MMP2: variants seen among roughly 807,000 people sequenced by gnomAD.
MMP2 encodes the protein 72 kDa type IV collagenase.
MMP2 carries 39 observed loss-of-function variants against 74.8 expected under a neutral mutation model. That is an observed-to-expected ratio of 0.52 (90% CI 0.40 to 0.68). The LOEUF is 0.68. MMP2 is among the 30% of genes least tolerant of loss of function. The pLI is 0.00. For missense variants in MMP2, 803 were observed against 878.3 expected (o/e 0.91, Z 1.08); for synonymous variants, 367 against 339.8 (o/e 1.08, Z -0.88).
rs780421952 is a variant in MMP2, at chr16:55,496,916, C to T, written c.1473-10C>T. ...GATGTGGTTTCCTGTGCCCCCTTGC[C>T]TCCTGCCAGGTTCATTTGGCGGACT... On this transcript the variant is annotated splice_polypyrimidine_tract_variant and intron_variant, in intron 9 of 12. Transcript: ENST00000219070. 4.3e-6 allele frequency: 7 copies of T among 1,613,678 alleles called. No individual in the cohort carries two copies. In the Admixed American group the frequency reaches 5.0e-5, roughly 12 times the overall value.
chr16:55,480,825 C>A lies in MMP2; in HGVS notation c.153+1193C>A, dbSNP rs1962081232. On this transcript the variant is annotated intron_variant, in intron 1 of 12. Coordinates refer to ENST00000219070, the MANE Select transcript of MMP2 (RefSeq NM_004530.6). The stretch of plus-strand genomic sequence containing the variant: ...CTTCCAAACAGCTAGGTCTCAGCCC[C>A]CTCTGGATAGATGGGTTGGGAAACC... Among the ~76,000 whole-genome samples, 3 of 152,158 alleles carry A rather than the reference C, an allele frequency of 2.0e-5. No homozygotes were observed. In the South Asian group the frequency reaches 6.2e-4, roughly 32 times the overall value.
chr16:55,490,268 A>C (rs1158811837), intron 7 of MMP2, among the ~76,000 whole-genome samples: 3 of 152,196 alleles, frequency 2.0e-5, no homozygotes, highest in Admixed American at 1.3e-4. Context: ...TAGGCAGTAG[A>C]AGAAAGGAAA....
Position 55,484,049 on chromosome 16 carries a change from G to A in MMP2, c.414G>A (p.Glu138=), listed in dbSNP as rs901704601. The change falls in exon 3 of 13, where the codon GAG becomes GAA. Residue 138 remains glutamate (E), a synonymous_variant. Transcript: ENST00000219070. ...GCTACACACCTGATCTGGACCCAGAGACAGTGGATGATGCCTTTGCTCGTG... is the reference window on the plus strand; with the variant it reads ...GCTACACACCTGATCTGGACCCAGAAACAGTGGATGATGCCTTTGCTCGTG... ...IIGYTPDLDP[E]TVDDAFARAF... 6.2e-7 allele frequency: 1 copy of A among 1,614,182 alleles called. No individual in the cohort carries two copies. The highest frequency in any genetic ancestry group is 8.5e-7 in the Non-Finnish European group (1 of 1,180,024).
intron 11 of MMP2, among the ~76,000 whole-genome samples, chr16:55,499,456 G>A (rs1482434828): frequency 6.6e-6 from 1 of 152,040 alleles, no homozygotes; most frequent in African/African-American, 2.4e-5. Flanking sequence ...GGTGCCCTGT[G>A]TCATGCTCAC....
In MMP2 at chr16:55,505,706, T is replaced by G. The variant is rs114011630; in HGVS notation, c.*264T>G. ...CAGAGCCACCCCTAAAGAGATACTT[T>G]GATATTTTCAACGCAGCCCTGCTTT... On this transcript the variant is annotated 3_prime_UTR_variant, in exon 13 of 13. Transcript: ENST00000219070. The G allele has an allele frequency of 3.4e-4, 182 of 534,154 alleles. No homozygotes were observed. The highest frequency in any genetic ancestry group is 3.1e-3 in the African/African-American group (162 of 52,284). 33.1% of individuals were successfully genotyped at this position (534,154 alleles called of 1,614,324 possible).
rs1362297330 is a variant in MMP2, at chr16:55,505,531, C to T, written c.*89C>T. 3 of 1,101,646 alleles carry T rather than the reference C, an allele frequency of 2.7e-6. No homozygotes were observed. The highest frequency in any genetic ancestry group is 1.5e-5 in the African/African-American group (1 of 65,000). 68.2% of individuals were successfully genotyped at this position (1,101,646 alleles called of 1,614,324 possible). On this transcript the variant is annotated 3_prime_UTR_variant, in exon 13 of 13. Transcript: ENST00000219070. Reference sequence around the variant, plus strand: ...TAGAGAAGGACCCGGAGGGGCCTGGCAGCCGTGCCTTCAGCTCTACAGCTA... The same window carrying T: ...TAGAGAAGGACCCGGAGGGGCCTGGTAGCCGTGCCTTCAGCTCTACAGCTA...
rs200796830 is a variant in MMP2, at chr16:55,485,795, T to A, written c.832+18T>A. 222 of 1,611,130 alleles carry A rather than the reference T, an allele frequency of 1.4e-4. No homozygotes were observed. In the African/African-American group the frequency reaches 2.5e-3, roughly 18 times the overall value. ...CCATGAAGGTGAGCATCCACTCTAGTCCCCAAGACTTTCCACCCCAAGCCT... is the reference window on the plus strand; with the variant it reads ...CCATGAAGGTGAGCATCCACTCTAGACCCCAAGACTTTCCACCCCAAGCCT... On this transcript the variant is annotated intron_variant, in intron 5 of 12. Coordinates refer to ENST00000219070, the MANE Select transcript of MMP2 (RefSeq NM_004530.6).
At chr16:55,491,179 C>T (rs1962396907) in intron 7 of MMP2, among the ~76,000 whole-genome samples, 3 of 151,956 alleles carry the variant, frequency 2.0e-5, no homozygotes, top group Admixed American at 2.0e-4. Context: ...ATTCTCCTGC[C>T]TATTTCCAAA....
rs764431381 is a variant in MMP2, at chr16:55,483,149, G to C, written c.380+14G>C. The C allele has an allele frequency of 1.2e-6, 2 of 1,606,784 alleles. No individual in the cohort carries two copies. Among genetic ancestry groups the C allele is most frequent in the South Asian group, 2.2e-5 (2 of 90,666 alleles). ...GATCACATACAGGTGCCGGGGCAGGGCTTGGGGAGGCAGGGCCATGGGGCT... is the reference window on the plus strand; with the variant it reads ...GATCACATACAGGTGCCGGGGCAGGCCTTGGGGAGGCAGGGCCATGGGGCT... On this transcript the variant is annotated intron_variant, in intron 2 of 12. Coordinates refer to ENST00000219070, the MANE Select transcript of MMP2 (RefSeq NM_004530.6).
At chr16:55,497,122 T>C in intron 10 of MMP2, 60 bp downstream of exon 10, 1 of 1,611,286 alleles carries the variant, frequency 6.2e-7, no homozygotes, top group South Asian at 1.1e-5. Flanking sequence ...CCAGGGCTCC[T>C]GGGTGTCCCA....
chr16:55,486,329 G>GTGCCTGTGTGTGTGTGCC (rs1567374958), intron 5 of MMP2, among the ~76,000 whole-genome samples: 4 of 135,450 alleles, frequency 3.0e-5, no homozygotes, highest in Non-Finnish European at 6.3e-5. Context: ...ATGCGTGTGT[G>GTGCCTGTGTGTGTGTGCC]TGTGTGTGTG....
intron 9 of MMP2, among the ~76,000 whole-genome samples, chr16:55,494,824 G>C (rs765467468): frequency 6.6e-6 from 1 of 152,244 alleles, no homozygotes; most frequent in Non-Finnish European, 1.5e-5. Context: ...GTCAAGGAAG[G>C]CTTCACAGAT....
In MMP2 at chr16:55,486,347, CTGTGTG is replaced by C. The variant is rs57608135; in HGVS notation, c.832+608_832+613del. On this transcript the variant is annotated intron_variant, in intron 5 of 12. Coordinates refer to ENST00000219070, the MANE Select transcript of MMP2 (RefSeq NM_004530.6). Reference sequence around the variant, plus strand: ...CGTGTGTGTGTGTGTGTGTGTGTGCCTGTGTGTGTGTGTGTGTGTGTGTGTGTGTGT... The same window carrying C: ...CGTGTGTGTGTGTGTGTGTGTGTGCCTGTGTGTGTGTGTGTGTGTGTGTGT... Among the ~76,000 whole-genome samples, 621 of 137,782 alleles carry C rather than the reference CTGTGTG, an allele frequency of 4.5e-3. 2 individuals are homozygous for C. Among genetic ancestry groups the C allele is most frequent in the African/African-American group, 0.016 (558 of 35,972 alleles). 90.4% of individuals were successfully genotyped at this position (137,782 alleles called of 152,430 possible).
At chr16:55,485,833 G>A in intron 5 of MMP2, 56 bp downstream of exon 5, 3 of 1,581,774 alleles carry the variant, frequency 1.9e-6, no homozygotes, top group Non-Finnish European at 2.6e-6. Context: ...AGCTTCCCGG[G>A]CTCCCCAGTG....
chr16:55,504,813 C>T lies in MMP2; in HGVS notation c.1880-526C>T, dbSNP rs184303721. On this transcript the variant is annotated intron_variant, in intron 12 of 12. Coordinates refer to ENST00000219070, the MANE Select transcript of MMP2 (RefSeq NM_004530.6). ...GACTACAGGCGCCTACCACCACGCC[C>T]GGCTAATTTTTTGTATTTTTAGTAG... is the stretch of plus-strand genomic sequence containing the variant. Among the ~76,000 whole-genome samples, 742 of 152,016 alleles carry T rather than the reference C, an allele frequency of 4.9e-3. 4 individuals are homozygous for T. Among genetic ancestry groups the T allele is most frequent in the African/African-American group, 0.016 (671 of 41,470 alleles).
In MMP2 at chr16:55,496,940, C is replaced by T; in HGVS notation, c.1487C>T (p.Thr496Ile). 1 of 1,614,066 alleles carries T rather than the reference C, an allele frequency of 6.2e-7. No homozygotes were observed. Among genetic ancestry groups the T allele is most frequent in the Non-Finnish European group, 8.5e-7 (1 of 1,180,038 alleles). The change falls in exon 10 of 13, where the codon ACT becomes ATT. Residue 496 changes from threonine to isoleucine, a missense_variant. Thr to Ile is a moderately conservative substitution (Grantham distance 89, BLOSUM62 -1). Around this residue, in one of 3 missense-constraint regions of MMP2, gnomAD observed 555 missense variants for 592.0 expected, o/e 0.94. Coordinates refer to ENST00000219070, the MANE Select transcript of MMP2 (RefSeq NM_004530.6). Reference sequence around the variant, plus strand: ...CCTCCTGCCAGGTTCATTTGGCGGACTGTGACGCCACGTGACAAGCCCATG... The same window carrying T: ...CCTCCTGCCAGGTTCATTTGGCGGATTGTGACGCCACGTGACAAGCCCATG... ...FFFKDRFIWRTVTPRDKPMGP... is the reference protein window; with the variant it reads ...FFFKDRFIWRIVTPRDKPMGP...
intron 1 of MMP2, among the ~76,000 whole-genome samples, chr16:55,480,950 T>G (rs1463140263): frequency 4.6e-5 from 7 of 152,030 alleles, no homozygotes; most frequent in Non-Finnish European, 1.5e-5. Context: ...TTTGGGACAA[T>G]GACAAAGCTA....
At chr16:55,490,737 G>T (rs17859929) in intron 7 of MMP2, among the ~76,000 whole-genome samples, 2 of 152,164 alleles carry the variant, frequency 1.3e-5, no homozygotes, top group African/African-American at 4.8e-5. Context: ...CTGGCCAAAG[G>T]AGGTTTTCTT....
At chr16:55,503,371 C>G (rs1273652124) in intron 12 of MMP2, among the ~76,000 whole-genome samples, 1 of 152,144 alleles carries the variant, frequency 6.6e-6, no homozygotes, top group Non-Finnish European at 1.5e-5. Context: ...TAAAACACAA[C>G]CAGTAGCAGC....
Sources: gnomAD v4.1 joint callset for allele counts (sites outside exome capture counted in the v4.1 genomes callset) on GRCh38, gnomAD v4.1.1 for gene constraint, gnomAD v4.1.1 regional missense constraint, MANE v1.5 for transcripts, NCBI Gene and HGNC (gene_info 2026-07-23, HGNC 2026-07-21) for gene names.